IL18BP: variants seen among roughly 807,000 people sequenced by gnomAD.
IL18BP encodes interleukin 18 binding protein.
A neutral mutation model predicts 19.9 loss-of-function variants in IL18BP; 23 were observed. That is an observed-to-expected ratio of 1.15 (90% confidence interval 0.83 to 1.64). The LOEUF is 1.64. Among genes scored for constraint, IL18BP ranks in the 40% most tolerant of loss-of-function variants. The pLI, the probability that IL18BP is intolerant of heterozygous loss-of-function variation, is 0.00. For missense variants in IL18BP, 239 were observed against 240.7 expected, an observed-to-expected ratio of 0.99 and a Z score of 0.05; for synonymous variants, 107 against 101.0, an observed-to-expected ratio of 1.06 and a Z score of -0.35.
chr11:72,005,262 G>T (rs927712490), downstream of IL18BP: 3 of 1,606,992 alleles, frequency 1.9e-6, no homozygotes, highest in East Asian at 2.3e-5. Context: ...CAGGTCTTCA[G>T]ATGTGGGGGG....
At chr11:72,005,112 T>G (rs1398800578), downstream of IL18BP, 2 of 1,177,012 alleles carry the variant, frequency 1.7e-6, no homozygotes, top group Non-Finnish European at 2.3e-6. Flanking sequence ...CATGAGAAGG[T>G]CACCCTCCCC....
chr11:72,003,424 T>C (rs772871001), downstream of IL18BP: 46 of 1,160,988 alleles, frequency 4.0e-5, no homozygotes, highest in Non-Finnish European at 5.7e-5. Context: ...TGGCTACTGT[T>C]GGCCTGGGAG....
At chr11:72,004,409 C>T, downstream of IL18BP, 1 of 1,434,560 alleles carries the variant, frequency 7.0e-7, no homozygotes, top group African/African-American at 1.4e-5. Flanking sequence ...GGTGTCTTGT[C>T]CTCTCAGAGC....
chr11:72,007,176 C>T (rs1463662924), downstream of IL18BP: 1 of 1,605,006 alleles, frequency 6.2e-7, no homozygotes, highest in East Asian at 2.2e-5. Flanking sequence ...AGCCCCTGTC[C>T]CAGCAGCCTG....
downstream of IL18BP, chr11:72,004,822 T>TGGGTGGAAG: frequency 6.4e-7 from 1 of 1,561,252 alleles, no homozygotes; most frequent in Non-Finnish European, 8.7e-7. Flanking sequence ...GAAGGCTGCA[T>TGGGTGGAAG]GGGTGGAAGA....
chr11:72,000,351 A>G lies in IL18BP; in HGVS notation c.29A>G (p.Asp10Gly), dbSNP rs748780059. 2.5e-6 allele frequency: 4 copies of G among 1,613,178 alleles called. No individual in the cohort carries two copies. In the South Asian group the frequency reaches 3.3e-5, roughly 13 times the overall value. Residue 10 changes from aspartate (D) to glycine (G), a missense_variant and splice_region_variant, in exon 3 of 6, where the codon GAC becomes GGC. By Grantham distance (94) the Asp-to-Gly change is moderately conservative. Coordinates refer to ENST00000393703, the MANE Select transcript of IL18BP (RefSeq NM_001039660.2). ...TGACCTGTAACTGTCCTTTCCTCAG[A>G]CCTCAGCCCTTTGTGGGTCCTGCTC... MTMRHNWTPDLSPLWVLLLC... is the reference protein window; with the variant it reads MTMRHNWTPGLSPLWVLLLC...
Position 72,000,488 on chromosome 11 carries a change from CCA to C in IL18BP, c.167_168del (p.Pro56ArgfsTer6). On this transcript the variant is annotated frameshift_variant, in exon 3 of 6. Transcript: ENST00000393703. LOFTEE classifies it high-confidence loss of function. ...AAAGGACCCCTGCCCCTCCCAGCCC[CCA>C]GTGTTCCCAGCAGCTAAGCAGTGTC... is the stretch of plus-strand genomic sequence containing the variant. ...STKDPCPSQP[P>X]VFPAAKQCPA... is the part of the protein sequence containing the mutation. 1 of 1,614,014 alleles carries C rather than the reference CCA, an allele frequency of 6.2e-7. No homozygotes were observed. Among genetic ancestry groups the C allele is most frequent in the Non-Finnish European group, 8.5e-7 (1 of 1,180,038 alleles).
At chr11:72,003,332 C>T, downstream of IL18BP, 2 of 625,844 alleles carry the variant, frequency 3.2e-6, no homozygotes, top group Non-Finnish European at 2.9e-6. Context: ...CTCCAGGCCC[C>T]CTGGGCCAGC....
downstream of IL18BP, chr11:72,007,844 T>C (rs1269135181): frequency 2.0e-5 from 7 of 348,228 alleles, no homozygotes; most frequent in Non-Finnish European, 3.3e-5. Context: ...GCGAGCCCAA[T>C]CACCAAGCTT....
At chr11:72,001,169 T>C (rs138958208) in intron 3 of IL18BP, 32 bp from the exon 4 acceptor site, 1 of 1,613,470 alleles carries the variant, frequency 6.2e-7, no homozygotes, top group East Asian at 2.2e-5. Flanking sequence ...GGCCTGCTCT[T>C]CTGAAGAGCT....
At chr11:72,004,246 T>G, downstream of IL18BP, 1 of 1,611,718 alleles carries the variant, frequency 6.2e-7, no homozygotes, top group Non-Finnish European at 8.5e-7. Context: ...AAGCTGGAGC[T>G]GCTTTCTTCT....
At chr11:72,004,819 G>T, downstream of IL18BP, 1 of 1,563,258 alleles carries the variant, frequency 6.4e-7, no homozygotes, top group Non-Finnish European at 8.7e-7. Context: ...AGGGAAGGCT[G>T]CATGGGTGGA....
chr11:72,004,558 A>G, downstream of IL18BP: 1 of 1,430,994 alleles, frequency 7.0e-7, no homozygotes, highest in Non-Finnish European at 9.6e-7. Context: ...GGAAGGAGAG[A>G]GAAGGCTCCC....
At chr11:72,001,584 A>G (rs1315966407) in intron 5 of IL18BP, 32 bp downstream of exon 5, 2 of 1,603,636 alleles carry the variant, frequency 1.2e-6, no homozygotes, top group East Asian at 4.5e-5. Context: ...CTCCAGGAAC[A>G]GGAGGAGCTC....
At chr11:72,003,982 G>C (rs149006752), downstream of IL18BP, 2 of 1,613,270 alleles carry the variant, frequency 1.2e-6, no homozygotes. Flanking sequence ...GTTCCACTGC[G>C]AGTGTTGGGG....
intron 3 of IL18BP, 26 bp from the exon 4 acceptor site, chr11:72,001,175 G>C: frequency 6.2e-7 from 1 of 1,613,734 alleles, no homozygotes; most frequent in Non-Finnish European, 8.5e-7. Flanking sequence ...CTCTTCTGAA[G>C]AGCTAACTGC....
intron 4 of IL18BP, 22 bp from the exon 5 acceptor site, chr11:72,001,383 C>A: frequency 3.7e-6 from 6 of 1,614,184 alleles, no homozygotes; most frequent in Non-Finnish European, 5.1e-6. Flanking sequence ...TTCTCATGAC[C>A]TTTCCTTCCC....
chr11:72,001,008 C>T (rs1181276624), intron 3 of IL18BP, among the ~76,000 whole-genome samples, 193 bp from the exon 4 acceptor site: 1 of 152,224 alleles, frequency 6.6e-6, no homozygotes, highest in Non-Finnish European at 1.5e-5. Context: ...TCACATTCCC[C>T]GTGTTTAGGG....
At chr11:72,001,665 C>G (rs747182006) in intron 5 of IL18BP, 113 bp downstream of exon 5, 1 of 1,605,234 alleles carries the variant, frequency 6.2e-7, no homozygotes, top group African/African-American at 1.3e-5. Flanking sequence ...CAGCATTCCT[C>G]AAGGTCAGCC....
Sources: allele counts gnomAD v4.1 joint callset (sites outside exome capture counted in the v4.1 genomes callset), GRCh38; gene constraint gnomAD v4.1.1; transcripts MANE v1.5; gene names NCBI Gene and HGNC (gene_info 2026-07-23, HGNC 2026-07-21).